MDFIC2: variants seen among roughly 807,000 people sequenced by gnomAD.
MDFIC2 encodes MyoD family inhibitor domain containing 2.
rs1446372333 is a variant in MDFIC2 at position 70,272,914 on chromosome 3, C to G, written c.88+38972G>C. ...AAAATTCTAAGGAGACAGCTAGCAA[C>G]TAACATTCTGCAAAAACCCTGAGGA... On this transcript the variant is annotated intron_variant, in intron 2 of 3. Coordinates refer to ENST00000567252, the MANE Select transcript of MDFIC2 (RefSeq NM_001364677.1). Among the ~76,000 whole-genome samples, 11 of 152,312 alleles carry G rather than the reference C, an allele frequency of 7.2e-5. No homozygotes were observed. The East Asian group carries it at 1.9e-3, about 27-fold the overall frequency.
intron 3 of MDFIC2, among the ~76,000 whole-genome samples, chr3:70,203,336 C>A (rs928728508): frequency 6.6e-6 from 1 of 152,084 alleles, no homozygotes; most frequent in Non-Finnish European, 1.5e-5. Context: ...CCCACTCCCC[C>A]ACACTGAGTT....
chr3:70,286,943 TAAG>T (rs1702171688), intron 2 of MDFIC2, among the ~76,000 whole-genome samples: 1 of 151,524 alleles, frequency 6.6e-6, no homozygotes, highest in Admixed American at 6.6e-5. Context: ...CTTATCAGCT[TAAG>T]GAGATTTTGG....
intron 2 of MDFIC2, among the ~76,000 whole-genome samples, chr3:70,252,192 C>G (rs1276925813): frequency 6.6e-6 from 1 of 152,126 alleles, no homozygotes; most frequent in East Asian, 1.9e-4. Context: ...TGTTACTTGG[C>G]AAAATTGAAC....
At position 70,196,653 on chromosome 3, in the gene MDFIC2, CT is replaced by C. The variant is rs1168901457; in HGVS notation, c.*272del. On this transcript the variant is annotated 3_prime_UTR_variant, in exon 4 of 4. Coordinates refer to ENST00000567252, the MANE Select transcript of MDFIC2 (RefSeq NM_001364677.1). ...ATGCTATTTTATAGTCAAGAAACAT[CT>C]TGTACCTACAGCATTTAAGAGGTAT... 6.6e-6 allele frequency among the ~76,000 whole-genome samples: 1 copy of C among 152,146 alleles called. No homozygotes were observed. The highest frequency in any genetic ancestry group is 1.5e-5 in the Non-Finnish European group (1 of 68,032).
intron 2 of MDFIC2, among the ~76,000 whole-genome samples, chr3:70,289,939 G>A (rs1429404570): frequency 6.6e-6 from 1 of 151,880 alleles, no homozygotes; most frequent in Non-Finnish European, 1.5e-5. Flanking sequence ...CTCTCTATTG[G>A]TTATTCTAGT....
chr3:70,229,082 T>A (rs1217908179), intron 2 of MDFIC2, among the ~76,000 whole-genome samples: 2 of 152,210 alleles, frequency 1.3e-5, no homozygotes, highest in Non-Finnish European at 2.9e-5. Flanking sequence ...GATGAACCAA[T>A]AACTGAATTT....
chr3:70,228,054 T>A (rs1239218273), intron 2 of MDFIC2, among the ~76,000 whole-genome samples: 2 of 151,740 alleles, frequency 1.3e-5, no homozygotes, highest in Non-Finnish European at 2.9e-5. Flanking sequence ...CAACAGAGAA[T>A]CTTAATGATA....
chr3:70,219,121 C>G (rs1701439937), intron 2 of MDFIC2, among the ~76,000 whole-genome samples: 1 of 152,144 alleles, frequency 6.6e-6, no homozygotes, highest in South Asian at 2.1e-4. Context: ...AAGGTATTGT[C>G]TGCATCACAG....
At chr3:70,265,800 T>A (rs1331509326) in intron 2 of MDFIC2, among the ~76,000 whole-genome samples, 1 of 152,170 alleles carries the variant, frequency 6.6e-6, no homozygotes, top group Non-Finnish European at 1.5e-5. Context: ...GGGAGGCACC[T>A]CTTCACAGGG....
intron 2 of MDFIC2, among the ~76,000 whole-genome samples, chr3:70,273,600 TG>T (rs988249584): frequency 1.3e-5 from 2 of 151,918 alleles, no homozygotes; most frequent in African/African-American, 4.8e-5. Flanking sequence ...GCAGGTCTTG[TG>T]TTTGGTTTAT....
intron 2 of MDFIC2, among the ~76,000 whole-genome samples, chr3:70,222,132 C>T (rs1252852727): frequency 6.6e-6 from 1 of 152,148 alleles, no homozygotes. Context: ...CAGCTTCTCC[C>T]TGTCTCCCCA....
At chr3:70,300,508 T>A (rs1198718108) in intron 2 of MDFIC2, among the ~76,000 whole-genome samples, 1 of 152,008 alleles carries the variant, frequency 6.6e-6, no homozygotes, top group African/African-American at 2.4e-5. Context: ...TGTAGTTATA[T>A]ACATACATAT....
intron 2 of MDFIC2, among the ~76,000 whole-genome samples, chr3:70,273,106 C>T (rs138866676): frequency 0.021 from 3,196 of 152,234 alleles, 50 homozygotes; most frequent in Middle Eastern, 0.041. Context: ...GGAAAGGCTG[C>T]CGTTACAAGG....
intron 2 of MDFIC2, among the ~76,000 whole-genome samples, chr3:70,311,365 A>G (rs1457687792): frequency 6.6e-6 from 1 of 152,206 alleles, no homozygotes; most frequent in Non-Finnish European, 1.5e-5. Context: ...TTAGGAGAAC[A>G]TATTGATTTG....
chr3:70,239,558 T>C (rs768503798), intron 2 of MDFIC2, among the ~76,000 whole-genome samples: 29 of 152,208 alleles, frequency 1.9e-4, no homozygotes, highest in Non-Finnish European at 4.1e-4. Flanking sequence ...GAGTATAAAA[T>C]TTGAATTTAG....
At chr3:70,203,909 A>G (rs913229040) in intron 3 of MDFIC2, among the ~76,000 whole-genome samples, 1 of 152,158 alleles carries the variant, frequency 6.6e-6, no homozygotes, top group African/African-American at 2.4e-5. Flanking sequence ...GGACATGGAT[A>G]GTCCTCTGGA....
chr3:70,277,418 C>G (rs542624039), intron 2 of MDFIC2, among the ~76,000 whole-genome samples: 4 of 152,302 alleles, frequency 2.6e-5, no homozygotes, highest in South Asian at 2.1e-4. Context: ...CAAAGTCACA[C>G]TGTTTGCTTA....
At chr3:70,243,676 A>G (rs1201296666) in intron 2 of MDFIC2, among the ~76,000 whole-genome samples, 3 of 152,066 alleles carry the variant, frequency 2.0e-5, no homozygotes, top group Non-Finnish European at 4.4e-5. Flanking sequence ...ACCTTCTCCA[A>G]CGTCTCCAGG....
intron 2 of MDFIC2, among the ~76,000 whole-genome samples, chr3:70,218,336 T>C (rs1701433721): frequency 6.6e-6 from 1 of 152,148 alleles, no homozygotes; most frequent in Non-Finnish European, 1.5e-5. Flanking sequence ...CATGGATGTA[T>C]ATAGATGCAT....
Sources: gnomAD v4.1 joint callset for allele counts (sites outside exome capture counted in the v4.1 genomes callset) on GRCh38, gnomAD v4.1.1 for gene constraint, MANE v1.5 for transcripts, NCBI Gene and HGNC (gene_info 2026-07-23, HGNC 2026-07-21) for gene names.